The following IPO13 variants were observed in gnomAD, a reference collection of about 807,000 sequenced individuals.
The protein encoded by IPO13 is importin-13.
A neutral mutation model predicts 115.5 loss-of-function variants in IPO13; 28 were observed. The ratio of observed to expected loss-of-function variants is 0.24; its 90% CI spans 0.18 to 0.33. IPO13 has a LOEUF of 0.33. Among genes scored for constraint, IPO13 ranks in the 10% least tolerant of loss-of-function variants. IPO13 has a pLI of 1.00. For synonymous variants in IPO13, 414 were observed against 478.9 expected (o/e 0.86, Z 1.77); for missense variants, 785 against 1,204.6 (o/e 0.65, Z 5.16).
At position 43,958,752 on chromosome 1, in the gene IPO13, C is replaced by A; in HGVS notation, c.1891C>A (p.Pro631Thr). The change falls in exon 11 of 20, where the codon CCC (proline) becomes ACC (threonine). Residue 631 changes from proline (P) to threonine (T), a missense_variant. Pro to Thr is a conservative substitution (Grantham distance 38). Coordinates refer to ENST00000372343, the MANE Select transcript of IPO13 (RefSeq NM_014652.4). The surrounding 1 kb of genome is among the most constrained non-coding windows in gnomAD (Gnocchi z 6.3). ...LEKLAEEIPN[P>T]SNKLAIVHIL... Reference sequence around the variant, plus strand: ...GGTTTGCTTCTCCCTGCAGCCCAATCCCTCCAACAAGCTGGCCATTGTTCA... The same window carrying A: ...GGTTTGCTTCTCCCTGCAGCCCAATACCTCCAACAAGCTGGCCATTGTTCA... 2 of 1,614,162 alleles carry A rather than the reference C, an allele frequency of 1.2e-6. No homozygotes were observed. The highest frequency in any genetic ancestry group is 1.7e-6 in the Non-Finnish European group (2 of 1,180,012).
At chr1:43,962,374 G>A (rs147107793) in intron 14 of IPO13, among the ~76,000 whole-genome samples, 77 of 152,186 alleles carry the variant, frequency 5.1e-4, no homozygotes, top group African/African-American at 1.8e-3. Context: ...GGGTTTTCTT[G>A]GCATCTCCCC....
At position 43,966,523 on chromosome 1, in the gene IPO13, G is replaced by A. The variant is rs779579058; in HGVS notation, c.2398-52G>A. 1 of 1,581,858 alleles carries A rather than the reference G, an allele frequency of 6.3e-7. No individual in the cohort carries two copies. Among genetic ancestry groups the A allele is most frequent in the South Asian group, 1.1e-5 (1 of 90,404 alleles). On this transcript the variant is annotated intron_variant, in intron 15 of 19. Coordinates refer to ENST00000372343, the MANE Select transcript of IPO13 (RefSeq NM_014652.4). This position sits in a 1 kb window ranked among gnomAD's most constrained non-coding sequence, Gnocchi z 4.1. ...GCTGGGGTGGCAGGTGAGTGGGGGG[G>A]ATGGTCCTTGGAGCTGGCTGGGGCT...
chr1:43,949,007 G>C (rs2085187183), intron 1 of IPO13, among the ~76,000 whole-genome samples: 1 of 152,210 alleles, frequency 6.6e-6, no homozygotes, highest in Admixed American at 6.5e-5. Flanking sequence ...GAGTTGATGG[G>C]AGCAGCTGTG....
Position 43,956,809 on chromosome 1 carries a change from G to C in IPO13, c.1105-1G>C. 6.2e-7 allele frequency: 1 copy of C among 1,614,164 alleles called. No homozygotes were observed. The highest frequency in any genetic ancestry group is 8.5e-7 in the Non-Finnish European group (1 of 1,180,012). Reference sequence around the variant, plus strand: ...CTAATTCTCTTCCCTGGCTCTCTCAGGATGATATTCTATCCTTTGAGGCAG... The same window carrying C: ...CTAATTCTCTTCCCTGGCTCTCTCACGATGATATTCTATCCTTTGAGGCAG... On this transcript the variant is annotated splice_acceptor_variant, in intron 4 of 19. Transcript: ENST00000372343. LOFTEE classifies it high-confidence loss of function. The surrounding 1 kb of genome is among the most constrained non-coding windows in gnomAD (Gnocchi z 4.7).
At chr1:43,962,151 G>A (rs1382345619) in intron 14 of IPO13, among the ~76,000 whole-genome samples, 2 of 152,006 alleles carry the variant, frequency 1.3e-5, no homozygotes, top group African/African-American at 4.8e-5. Flanking sequence ...TGTTTCTGTG[G>A]GCCATGGAGT....
At chr1:43,960,853 G>A (rs768539420) in intron 12 of IPO13, 23 bp from the exon 13 acceptor site, 1 of 1,613,480 alleles carries the variant, frequency 6.2e-7, no homozygotes, top group East Asian at 2.2e-5. Context: ...TGCTGACCAG[G>A]GCCCCTTTGC....
rs560640514 is a variant in IPO13 at position 43,967,203 on chromosome 1, A to C, written c.2614-112A>C. On this transcript the variant is annotated intron_variant, in intron 18 of 19. Coordinates refer to ENST00000372343, the MANE Select transcript of IPO13 (RefSeq NM_014652.4). The surrounding 1 kb of genome is among the most constrained non-coding windows in gnomAD (Gnocchi z 6.1). Reference sequence around the variant, plus strand: ...AGCTGGCTCTCAAAAAGCAGCGCTCACTGTGATGTGCAGTTTGGCTTAGGA... The same window carrying C: ...AGCTGGCTCTCAAAAAGCAGCGCTCCCTGTGATGTGCAGTTTGGCTTAGGA... The C allele has an allele frequency of 5.3e-5, 65 of 1,231,350 alleles. No individual in the cohort carries two copies. The African/African-American group carries it at 8.3e-4, about 16-fold the overall frequency. 76.3% of individuals were successfully genotyped at this position (1,231,350 alleles called of 1,614,324 possible). A position where few individuals can be genotyped will look rare whatever the true frequency, so the allele number is the denominator to read the frequency against.
rs1444952758 is a variant in IPO13, at chr1:43,947,287, T to A, written c.-314T>A. On this transcript the variant is annotated 5_prime_UTR_variant, in exon 1 of 20. Coordinates refer to ENST00000372343, the MANE Select transcript of IPO13 (RefSeq NM_014652.4). ...TTCCCCCGCAGGCCTCCCTCCCCTGTGACTCCCTCCACACAGATTCTGGGG... is the reference window on the plus strand; with the variant it reads ...TTCCCCCGCAGGCCTCCCTCCCCTGAGACTCCCTCCACACAGATTCTGGGG... 3 of 398,924 alleles carry A rather than the reference T, an allele frequency of 7.5e-6. No individual in the cohort carries two copies. Among genetic ancestry groups the A allele is most frequent in the Non-Finnish European group, 1.3e-5 (3 of 226,278 alleles). The allele number at this position is 398,924 out of a possible 1,614,324, so 24.7% of individuals were successfully genotyped here.
Position 43,960,428 on chromosome 1 carries a change from A to G in IPO13, c.2109+99A>G, listed in dbSNP as rs1017065600. On this transcript the variant is annotated intron_variant, in intron 12 of 19. Coordinates refer to ENST00000372343, the MANE Select transcript of IPO13 (RefSeq NM_014652.4). ...CACTTCAGCTTACAATGGTTTGGAG[A>G]AAACAAGGGAGGTGAATCCTGCCCC... The G allele has an allele frequency of 4.2e-5, 47 of 1,124,008 alleles. 1 individual carries two copies. Among genetic ancestry groups the G allele is most frequent in the Non-Finnish European group, 6.2e-5 (46 of 740,354 alleles). 69.6% of individuals were successfully genotyped at this position (1,124,008 alleles called of 1,614,324 possible).
chr1:43,967,089 G>A lies in IPO13; in HGVS notation c.2613+70G>A. The A allele has an allele frequency of 6.9e-7, 1 of 1,442,902 alleles. No homozygotes were observed. Among genetic ancestry groups the A allele is most frequent in the African/African-American group, 1.4e-5 (1 of 71,688 alleles). 89.4% of individuals were successfully genotyped at this position (1,442,902 alleles called of 1,614,324 possible). A position where few individuals can be genotyped will look rare whatever the true frequency, so the allele number is the denominator to read the frequency against. On this transcript the variant is annotated intron_variant, in intron 18 of 19. Transcript: ENST00000372343. The surrounding 1 kb of genome is among the most constrained non-coding windows in gnomAD (Gnocchi z 6.1). ...ACTGCTGAGGCAGCTGGCCTTCTGGGAGGCTTGAGCCTTTGGTCCCCTAAG... is the reference window on the plus strand; with the variant it reads ...ACTGCTGAGGCAGCTGGCCTTCTGGAAGGCTTGAGCCTTTGGTCCCCTAAG...
chr1:43,960,186 T>G, intron 11 of IPO13, 63 bp from the exon 12 acceptor site: 1 of 1,512,984 alleles, frequency 6.6e-7, no homozygotes, highest in Non-Finnish European at 9.2e-7. Context: ...TGCCACCAAG[T>G]CCTCCTCAAG....
intron 1 of IPO13, among the ~76,000 whole-genome samples, chr1:43,949,095 C>A (rs139398832): frequency 4.5e-4 from 69 of 152,352 alleles, no homozygotes; most frequent in Admixed American, 1.1e-3. Flanking sequence ...CTGTTCCTTC[C>A]ACCTGGGCCT....
At position 43,966,785 on chromosome 1, in the gene IPO13, G is replaced by A. The variant is rs2085328716; in HGVS notation, c.2523+3G>A. Reference sequence around the variant, plus strand: ...TCAAGGCCTCCTGTGGCTTCTTTGTGAGTCCCATGCTGAACCCTGACCCAC... The same window carrying A: ...TCAAGGCCTCCTGTGGCTTCTTTGTAAGTCCCATGCTGAACCCTGACCCAC... On this transcript the variant is annotated splice_donor_region_variant and intron_variant, in intron 17 of 19. Transcript: ENST00000372343. This position sits in a 1 kb window ranked among gnomAD's most constrained non-coding sequence, Gnocchi z 4.1. 3 of 1,613,930 alleles carry A rather than the reference G, an allele frequency of 1.9e-6. No individual in the cohort carries two copies. Among genetic ancestry groups the A allele is most frequent in the African/African-American group, 2.7e-5 (2 of 74,882 alleles).
At chr1:43,948,274 C>G (rs2085181534) in intron 1 of IPO13, among the ~76,000 whole-genome samples, 1 of 152,222 alleles carries the variant, frequency 6.6e-6, no homozygotes, top group African/African-American at 2.4e-5. Context: ...CCCTACTCGC[C>G]TGCCCACATA....
At position 43,958,708 on chromosome 1, in the gene IPO13, G is replaced by T; in HGVS notation, c.1885-38G>T. On this transcript the variant is annotated intron_variant, in intron 10 of 19. Transcript: ENST00000372343. This position sits in a 1 kb window ranked among gnomAD's most constrained non-coding sequence, Gnocchi z 6.3. ...TCAGTGATCTGGGGACCAAACTGGG[G>T]CTGGGAGATCTGGAGCTTGGTTTGC... The T allele has an allele frequency of 6.2e-7, 1 of 1,613,656 alleles. No homozygotes were observed. The highest frequency in any genetic ancestry group is 8.5e-7 in the Non-Finnish European group (1 of 1,179,632).
intron 7 of IPO13, 44 bp from the exon 8 acceptor site, chr1:43,957,933 C>G: frequency 6.3e-7 from 1 of 1,595,868 alleles, no homozygotes; most frequent in Non-Finnish European, 8.6e-7. Flanking sequence ...ACAAAGCCAG[C>G]CTGGCCTGCC....
chr1:43,954,820 T>C lies in IPO13; in HGVS notation c.822-1500T>C, dbSNP rs148710499. 2.2e-3 allele frequency among the ~76,000 whole-genome samples: 337 copies of C among 152,346 alleles called. 1 individual carries two copies. The highest frequency in any genetic ancestry group is 7.7e-3 in the African/African-American group (322 of 41,588). ...ACTTCAATTACCAGCTGTTAGCTGATGACTCTCAAATCTATGGCTTTTGCT... is the reference window on the plus strand; with the variant it reads ...ACTTCAATTACCAGCTGTTAGCTGACGACTCTCAAATCTATGGCTTTTGCT... On this transcript the variant is annotated intron_variant, in intron 2 of 19. Coordinates refer to ENST00000372343, the MANE Select transcript of IPO13 (RefSeq NM_014652.4).
Position 43,956,739 on chromosome 1 carries a change from T to G in IPO13, c.1104+38T>G, listed in dbSNP as rs949909753. On this transcript the variant is annotated intron_variant, in intron 4 of 19. Transcript: ENST00000372343. This position sits in a 1 kb window ranked among gnomAD's most constrained non-coding sequence, Gnocchi z 4.7. ...GACCTCCAGTAGGACTGGGCTGTGGTGGAAGAAGGTGGATCATGGGCTTCT... is the reference window on the plus strand; with the variant it reads ...GACCTCCAGTAGGACTGGGCTGTGGGGGAAGAAGGTGGATCATGGGCTTCT... 3 of 1,613,764 alleles carry G rather than the reference T, an allele frequency of 1.9e-6. No individual in the cohort carries two copies. Among genetic ancestry groups the G allele is most frequent in the East Asian group, 4.5e-5 (2 of 44,894 alleles).
chr1:43,956,258 C>G lies in IPO13; in HGVS notation c.822-62C>G. The G allele has an allele frequency of 1.3e-6, 2 of 1,589,538 alleles. No homozygotes were observed. Among genetic ancestry groups the G allele is most frequent in the Non-Finnish European group, 1.7e-6 (2 of 1,162,262 alleles). ...GAAGACAAGGAGATTATGCCTTTCTCTTAAAGCCAGTGTGGGGTTGAGCAG... is the reference window on the plus strand; with the variant it reads ...GAAGACAAGGAGATTATGCCTTTCTGTTAAAGCCAGTGTGGGGTTGAGCAG... On this transcript the variant is annotated intron_variant, in intron 2 of 19. Transcript: ENST00000372343. The surrounding 1 kb of genome is among the most constrained non-coding windows in gnomAD (Gnocchi z 4.7).
Sources: gnomAD v4.1 joint callset for allele counts (sites outside exome capture counted in the v4.1 genomes callset) on GRCh38, gnomAD v4.1.1 for gene constraint, Gnocchi (gnomAD v3.1) non-coding constraint, MANE v1.5 for transcripts, NCBI Gene and HGNC (gene_info 2026-07-23, HGNC 2026-07-21) for gene names.